The following RASA3 variants were observed in gnomAD, a reference collection of about 807,000 sequenced individuals.
The protein encoded by RASA3 is RAS p21 protein activator 3.
In RASA3, 73 loss-of-function variants were observed where a neutral mutation model predicts 110.0. That is an observed-to-expected ratio of 0.66 (90% CI 0.55 to 0.81). The LOEUF (loss-of-function observed/expected upper bound fraction) is 0.81, where lower values mean the gene tolerates loss of function less well. RASA3 is among the 30% of genes least tolerant of loss of function. The pLI is 0.00. For missense variants in RASA3, 976 were observed against 1,113.2 expected (o/e 0.88, Z 1.75); for synonymous variants, 500 against 451.4 (o/e 1.11, Z -1.37).
At chr13:114,095,479 T>A (rs1281683029) in intron 1 of RASA3, among the ~76,000 whole-genome samples, 1 of 152,160 alleles carries the variant, frequency 6.6e-6, no homozygotes, top group Non-Finnish European at 1.5e-5. Context: ...CTCACAGAAA[T>A]GGAATCACAC....
At chr13:114,037,889 G>A (rs1299637811) in intron 4 of RASA3, among the ~76,000 whole-genome samples, 1 of 151,998 alleles carries the variant, frequency 6.6e-6, no homozygotes, top group Admixed American at 6.6e-5. Flanking sequence ...GGGAAGCCAG[G>A]AGAAGGGAGC....
chr13:113,994,297 G>T (rs750417762), intron 21 of RASA3, among the ~76,000 whole-genome samples: 1 of 152,092 alleles, frequency 6.6e-6, no homozygotes, highest in Non-Finnish European at 1.5e-5. Flanking sequence ...GTTTTATTAG[G>T]TAATTGATAA....
chr13:114,050,915 G>C (rs1436672804), intron 3 of RASA3, among the ~76,000 whole-genome samples: 1 of 152,240 alleles, frequency 6.6e-6, no homozygotes, highest in Admixed American at 6.5e-5. Context: ...CCTGGTCCAT[G>C]GCTCACAAAC....
At chr13:114,082,517 G>C (rs997573376) in intron 1 of RASA3, among the ~76,000 whole-genome samples, 1 of 152,246 alleles carries the variant, frequency 6.6e-6, no homozygotes, top group African/African-American at 2.4e-5. Context: ...TGCTCCCCGG[G>C]TGGACACACG....
intron 1 of RASA3, among the ~76,000 whole-genome samples, chr13:114,078,592 CAACT>C (rs1253199811): frequency 2.0e-5 from 3 of 152,220 alleles, no homozygotes; most frequent in East Asian, 3.8e-4. Flanking sequence ...TCTGAAAACT[CAACT>C]AACAGGAGTA....
intron 1 of RASA3, among the ~76,000 whole-genome samples, chr13:114,089,288 G>C (rs1051075679): frequency 6.8e-6 from 1 of 146,178 alleles, no homozygotes. Context: ...GAGGGGAGAC[G>C]AGCGGGGAGG....
chr13:114,080,818 C>T (rs960010729), intron 1 of RASA3, among the ~76,000 whole-genome samples: 1 of 137,812 alleles, frequency 7.3e-6, no homozygotes, highest in African/African-American at 3.0e-5. Context: ...CTGCTGCACA[C>T]GGTGCCCCAG....
intron 1 of RASA3, among the ~76,000 whole-genome samples, chr13:114,099,042 C>T (rs1391395002): frequency 2.1e-4 from 1 of 4,660 alleles, no homozygotes; most frequent in African/African-American, 1.0e-3. Context: ...GCCACCCGAG[C>T]CCCCCAGACC....
chr13:114,021,680 T>C lies in RASA3; in HGVS notation c.681-172A>G, dbSNP rs755178956. ...GTTTCAAACACGTCAGACCAGCCTG[T>C]GGCTTTGGAATAAAGATGAGTGTCT... On this transcript the variant is annotated intron_variant, in intron 8 of 23. Coordinates refer to ENST00000334062, the MANE Select transcript of RASA3 (RefSeq NM_007368.4). Among the ~76,000 whole-genome samples the C allele has an allele frequency of 3.2e-4, 49 of 152,248 alleles. 1 individual carries two copies. Among genetic ancestry groups the C allele is most frequent in the East Asian group, 7.7e-4 (4 of 5,166 alleles).
chr13:114,098,459 G>A (rs1207107134), intron 1 of RASA3, among the ~76,000 whole-genome samples: 1 of 152,140 alleles, frequency 6.6e-6, no homozygotes, highest in African/African-American at 2.4e-5. Context: ...AGTTCAGCAG[G>A]GCTGCAGGCG....
chr13:114,072,252 GT>G (rs753845606), intron 2 of RASA3, among the ~76,000 whole-genome samples: 125 of 152,278 alleles, frequency 8.2e-4, no homozygotes, highest in South Asian at 3.7e-3. Flanking sequence ...AACTGCAGTG[GT>G]CCTCCGAGTA....
At chr13:114,072,059 G>C (rs963892070) in intron 2 of RASA3, among the ~76,000 whole-genome samples, 1 of 151,976 alleles carries the variant, frequency 6.6e-6, no homozygotes, top group African/African-American at 2.4e-5. Context: ...ACAGCTACAC[G>C]GACATCTTCT....
chr13:113,984,220 A>C (rs1594274392), intron 22 of RASA3, among the ~76,000 whole-genome samples: 1 of 78,480 alleles, frequency 1.3e-5, no homozygotes. Flanking sequence ...TCCATCCATC[A>C]CTCACCCATC....
chr13:114,031,763 G>A (rs1053681000), intron 4 of RASA3, among the ~76,000 whole-genome samples: 3 of 152,308 alleles, frequency 2.0e-5, no homozygotes, highest in East Asian at 1.9e-4. Context: ...TGCCTGGCCC[G>A]GCCCTTAGCT....
chr13:114,011,222 T>C lies in RASA3; in HGVS notation c.1539A>G (p.Thr513=), dbSNP rs545784926. The change falls in exon 16 of 24, where the codon ACA becomes ACG. Residue 513 remains threonine, a synonymous_variant. Transcript: ENST00000334062. This position sits in a 1 kb window ranked among gnomAD's most constrained non-coding sequence, Gnocchi z 4.8. ...HTDPQTSRTL[T]LISKTVQTLG... is the part of the protein sequence containing the mutation. Reference sequence around the variant, plus strand: ...GGGTCTGAACGGTCTTGGAGATCAATGTCAGCGTCCTGGACGTCTGGGGGT... The same window carrying C: ...GGGTCTGAACGGTCTTGGAGATCAACGTCAGCGTCCTGGACGTCTGGGGGT... The C allele has an allele frequency of 3.7e-6, 6 of 1,612,780 alleles. No individual in the cohort carries two copies. Among genetic ancestry groups the C allele is most frequent in the African/African-American group, 2.7e-5 (2 of 74,982 alleles).
rs765226796 is a variant in RASA3, at chr13:114,014,859, G to A, written c.1405+350C>T. 1.3e-5 allele frequency among the ~76,000 whole-genome samples: 2 copies of A among 151,992 alleles called. No homozygotes were observed. The highest frequency in any genetic ancestry group is 2.9e-5 in the Non-Finnish European group (2 of 67,978). On this transcript the variant is annotated intron_variant, in intron 14 of 23. Transcript: ENST00000334062. This position sits in a 1 kb window ranked among gnomAD's most constrained non-coding sequence, Gnocchi z 4.5. Reference sequence around the variant, plus strand: ...ATCAGGAAAATTCACATTCCACCCCGACAAAGCCTGGCCACCCTTCCCGGC... The same window carrying A: ...ATCAGGAAAATTCACATTCCACCCCAACAAAGCCTGGCCACCCTTCCCGGC...
chr13:114,009,875 G>A (rs532630639), intron 16 of RASA3, among the ~76,000 whole-genome samples: 2 of 152,338 alleles, frequency 1.3e-5, no homozygotes, highest in East Asian at 3.9e-4. Context: ...GGGCCGCTCT[G>A]AGGTGGGAAG....
At chr13:113,990,894 CTGTG>C (rs1267434084) in intron 22 of RASA3, among the ~76,000 whole-genome samples, 3 of 152,248 alleles carry the variant, frequency 2.0e-5, no homozygotes, top group Admixed American at 6.5e-5. Context: ...GTGTATGTGC[CTGTG>C]TGTTAGTGTA....
chr13:114,106,324 A>C (rs990879929), intron 1 of RASA3, among the ~76,000 whole-genome samples: 2 of 152,222 alleles, frequency 1.3e-5, no homozygotes, highest in Non-Finnish European at 2.9e-5. Context: ...AGTGGGGACA[A>C]CTTCTCATTC....
Sources: gnomAD v4.1 joint callset for allele counts (sites outside exome capture counted in the v4.1 genomes callset) on GRCh38, gnomAD v4.1.1 for gene constraint, Gnocchi (gnomAD v3.1) non-coding constraint, MANE v1.5 for transcripts, NCBI Gene and HGNC (gene_info 2026-07-23, HGNC 2026-07-21) for gene names.